APC2: variants seen among roughly 807,000 people sequenced by gnomAD.
The protein encoded by APC2 is APC regulator of Wnt signaling pathway 2.
Under a neutral mutation model 72.5 loss-of-function variants are expected in APC2, and 41 were observed. The observed-to-expected ratio is 0.57, with a 90% CI of 0.44 to 0.73. The LOEUF (loss-of-function observed/expected upper bound fraction) is 0.73, where lower values mean the gene tolerates loss of function less well. Ranked by LOEUF, APC2 falls within the 30% of genes least tolerant of loss-of-function variation. The pLI is 0.00. For missense variants in APC2, 3,729 were observed against 3,403.4 expected (o/e 1.10, Z -2.38); for synonymous variants, 1,898 against 1,612.0 (o/e 1.18, Z -4.25).
Position 1,455,264 on chromosome 19 carries a change from C to G in APC2, c.522+7C>G, listed in dbSNP as rs1386625543. ...GCTGCCGCACGTGGAGACGGTGAGC[C>G]GGCCGGGGAGCCAGGGGGCAGCGCG... On this transcript the variant is annotated splice_region_variant and intron_variant, in intron 5 of 14. Transcript: ENST00000590469. 1.3e-6 allele frequency: 2 copies of G among 1,564,016 alleles called. No individual in the cohort carries two copies. The highest frequency in any genetic ancestry group is 1.7e-6 in the Non-Finnish European group (2 of 1,160,070).
intron 4 of APC2, among the ~76,000 whole-genome samples, chr19:1,454,563 C>CTTTTTTTT (rs71174371): frequency 2.8e-4 from 33 of 116,136 alleles, no homozygotes; most frequent in Non-Finnish European, 4.4e-4. Context: ...ATCTTTTGTA[C>CTTTTTTTT]TTTTTTTTTT....
At position 1,469,197 on chromosome 19, in the gene APC2, C is replaced by T; in HGVS notation, c.5896C>T (p.Arg1966Cys). The T allele has an allele frequency of 7.7e-7, 1 of 1,306,564 alleles. No homozygotes were observed. Among genetic ancestry groups the T allele is most frequent in the Non-Finnish European group, 9.7e-7 (1 of 1,026,102 alleles). 80.9% of individuals were successfully genotyped at this position (1,306,564 alleles called of 1,614,324 possible). A position where few individuals can be genotyped will look rare whatever the true frequency, so the allele number is the denominator to read the frequency against. ...RAGTEAGPGA[R>C]GGRLGLVRVA... ...GGGGACCGAGGCGGGCCCGGGGGCG[C>T]GCGGGGGCCGCCTGGGCCTGGTGCG... Residue 1966 changes from arginine to cysteine, a missense_variant, in exon 15 of 15, where the codon CGC (arginine) becomes TGC (cysteine). Transcript: ENST00000590469.
At position 1,466,560 on chromosome 19, in the gene APC2, G is replaced by T; in HGVS notation, c.3259G>T (p.Gly1087Cys). The change falls in exon 15 of 15, where the codon GGT (glycine) becomes TGT (cysteine). Residue 1087 changes from glycine to cysteine, a missense_variant. Gly to Cys is a radical substitution (Grantham distance 159). Transcript: ENST00000590469. ...SSAGRPGPSE[G>C]GDLDDSDSSL... Reference sequence around the variant, plus strand: ...GGCCGGCCGCCCAGGCCCCAGCGAGGGTGGTGACCTGGATGACAGTGACTC... The same window carrying T: ...GGCCGGCCGCCCAGGCCCCAGCGAGTGTGGTGACCTGGATGACAGTGACTC... The T allele has an allele frequency of 1.3e-6, 2 of 1,581,610 alleles. No homozygotes were observed. Among genetic ancestry groups the T allele is most frequent in the Non-Finnish European group, 1.7e-6 (2 of 1,171,758 alleles).
upstream of APC2, chr19:1,446,471 C>G: frequency 1.5e-6 from 1 of 689,118 alleles, no homozygotes; most frequent in Non-Finnish European, 1.8e-6. The surrounding 1 kb of genome is among the most constrained non-coding windows in gnomAD (Gnocchi z 6.1). Context: ...GCTGCAGAGT[C>G]GGGGGTCTAG....
intron 6 of APC2, 100 bp from the exon 7 acceptor site, chr19:1,455,976 G>A (rs2083817629): frequency 8.0e-7 from 1 of 1,249,556 alleles, no homozygotes. Flanking sequence ...TCAGGAAGAG[G>A]CGGGGTCAGA....
rs1490801304 is a variant in APC2 at position 1,467,349 on chromosome 19, G to A, written c.4048G>A (p.Ala1350Thr). The change falls in exon 15 of 15, where the codon GCC becomes ACC. Residue 1350 changes from alanine (A) to threonine (T), a missense_variant. Ala to Thr is a moderately conservative substitution (Grantham distance 58). Transcript: ENST00000590469. ...ACTGCTGCGGGAGTGCCTGGGAGCC[G>A]CCGTGCCTGCCCGGCTGCGCAAGGT... ...LELLRECLGA[A>T]VPARLRKVAS... The A allele has an allele frequency of 4.1e-6, 6 of 1,454,818 alleles. No individual in the cohort carries two copies. The highest frequency in any genetic ancestry group is 4.5e-6 in the Non-Finnish European group (5 of 1,107,626). 90.1% of individuals were successfully genotyped at this position (1,454,818 alleles called of 1,614,324 possible).
Position 1,462,180 on chromosome 19 carries a change from C to CGGCCG in APC2, c.1853+7_1853+8insGGGCC. ...GTCGCCACCCGTGAGGACTACAGGT[C>CGGCCG]GGCCCCCACCCCCCCACCCGCACAC... On this transcript the variant is annotated splice_donor_region_variant and intron_variant, in intron 14 of 14. Coordinates refer to ENST00000590469, the MANE Select transcript of APC2 (RefSeq NM_005883.3). 1 of 1,546,424 alleles carries CGGCCG rather than the reference C, an allele frequency of 6.5e-7. No homozygotes were observed. The highest frequency in any genetic ancestry group is 8.7e-7 in the Non-Finnish European group (1 of 1,146,738).
Position 1,469,216 on chromosome 19 carries a change from TG to T in APC2, c.5917del (p.Val1973CysfsTer23). 1 of 1,401,810 alleles carries T rather than the reference TG, an allele frequency of 7.1e-7. No homozygotes were observed. The highest frequency in any genetic ancestry group is 9.3e-7 in the Non-Finnish European group (1 of 1,074,048). 86.8% of individuals were successfully genotyped at this position (1,401,810 alleles called of 1,614,324 possible). A position where few individuals can be genotyped will look rare whatever the true frequency, so the allele number is the denominator to read the frequency against. On this transcript the variant is annotated frameshift_variant, in exon 15 of 15. Coordinates refer to ENST00000590469, the MANE Select transcript of APC2 (RefSeq NM_005883.3). LOFTEE classifies it low-confidence loss of function (END_TRUNC). ...GPGARGGRLG[L>X]VRVASALSSG... ...GGGGCGCGCGGGGGCCGCCTGGGCC[TG>T]GTGCGTGTGGCCTCAGCCCTCTCCA... is the stretch of plus-strand genomic sequence containing the variant.
rs780542749 is a variant in APC2 at position 1,466,259 on chromosome 19, C to A, written c.2958C>A (p.Ala986=). ...CCCCGGCCCGCGAGGCCACCTCCGC[C>A]GACGCCCGCGTGCGCACCATCAAGC... ...AEPPAREATS[A]DARVRTIKLS... is the part of the protein sequence containing the mutation. The change falls in exon 15 of 15, where the codon GCC becomes GCA. Residue 986 remains alanine, a synonymous_variant. Transcript: ENST00000590469. 3 of 1,529,786 alleles carry A rather than the reference C, an allele frequency of 2.0e-6. No homozygotes were observed. Among genetic ancestry groups the A allele is most frequent in the South Asian group, 2.4e-5 (2 of 82,200 alleles). 94.8% of individuals were successfully genotyped at this position (1,529,786 alleles called of 1,614,324 possible). A position where few individuals can be genotyped will look rare whatever the true frequency, so the allele number is the denominator to read the frequency against.
In APC2 at chr19:1,469,470, G is replaced by A. The variant is rs189440287; in HGVS notation, c.6169G>A (p.Ala2057Thr). Residue 2057 changes from alanine (A) to threonine (T), a missense_variant, in exon 15 of 15, where the codon GCC (alanine) becomes ACC (threonine). By Grantham distance (58) the Ala-to-Thr change is moderately conservative. Transcript: ENST00000590469. ...GGCACCCCGGCAGGGCCCGGCCCCG[G>A]CCCGGCAGCGGCCCCCCGCGGCCCG... The part of the protein sequence containing the change: ...RAAPRQGPAP[A>T]RQRPPAARPS... 9,671 of 1,119,892 alleles carry A rather than the reference G, an allele frequency of 8.6e-3. 403 individuals are homozygous for A. The African/African-American group carries it at 0.11, about 12-fold the overall frequency. The allele number at this position is 1,119,892 out of a possible 1,614,324, so 69.4% of individuals were successfully genotyped here.
chr19:1,449,600 G>T (rs1284578387), upstream of APC2, among the ~76,000 whole-genome samples: 1 of 152,158 alleles, frequency 6.6e-6, no homozygotes, highest in African/African-American at 2.4e-5. Context: ...GTGGGGAGAT[G>T]CAGCGTCCCA....
At position 1,462,022 on chromosome 19, in the gene APC2, G is replaced by C. The variant is rs1466667365; in HGVS notation, c.1698G>C (p.Glu566Asp). ...ALWNLSAHST[E>D]NKAAICQVDG... is the part of the protein sequence containing the mutation. ...GGAATCTGTCTGCACACAGCACAGA[G>C]AACAAGGCGGCCATCTGCCAGGTGG... is the stretch of plus-strand genomic sequence containing the variant. The change falls in exon 14 of 15, where the codon GAG becomes GAC. Residue 566 changes from glutamate to aspartate, a missense_variant. By Grantham distance (45) the Glu-to-Asp change is conservative (BLOSUM62 2). Coordinates refer to ENST00000590469, the MANE Select transcript of APC2 (RefSeq NM_005883.3). The C allele has an allele frequency of 1.9e-6, 3 of 1,613,024 alleles. No individual in the cohort carries two copies. The highest frequency in any genetic ancestry group is 2.5e-6 in the Non-Finnish European group (3 of 1,180,018).
intron 11 of APC2, 150 bp downstream of exon 11, chr19:1,460,470 G>C (rs1372285714): frequency 2.3e-6 from 3 of 1,298,696 alleles, no homozygotes; most frequent in Non-Finnish European, 3.2e-6. Flanking sequence ...GGCCCAGAGA[G>C]TGCGGTGTGG....
chr19:1,448,906 G>C (rs910659060), upstream of APC2, among the ~76,000 whole-genome samples: 4 of 152,080 alleles, frequency 2.6e-5, no homozygotes, highest in African/African-American at 9.7e-5. Context: ...TCTGCCCACT[G>C]CATTGCCTCC....
chr19:1,459,461 C>G (rs1309274214), intron 10 of APC2, among the ~76,000 whole-genome samples: 1 of 152,206 alleles, frequency 6.6e-6, no homozygotes, highest in Admixed American at 6.5e-5. Context: ...TATGGATGCT[C>G]TAGCTGCCCC....
In APC2 at chr19:1,467,369, C is replaced by T. The variant is rs2084037091; in HGVS notation, c.4068C>T (p.Arg1356=). The T allele has an allele frequency of 1.4e-6, 2 of 1,479,514 alleles. No individual in the cohort carries two copies. The highest frequency in any genetic ancestry group is 1.5e-5 in the African/African-American group (1 of 68,602). The allele number at this position is 1,479,514 out of a possible 1,614,324, so 91.6% of individuals were successfully genotyped here. The change falls in exon 15 of 15, where the codon CGC becomes CGT. Residue 1356 remains arginine (R), a synonymous_variant. Transcript: ENST00000590469. ...CLGAAVPARL[R]KVASALVPGR... The stretch of plus-strand genomic sequence containing the variant: ...GAGCCGCCGTGCCTGCCCGGCTGCG[C>T]AAGGTGGCCTCCGCGCTGGTGCCAG...
Position 1,453,085 on chromosome 19 carries a change from G to T in APC2, c.84G>T (p.Glu28Asp), listed in dbSNP as rs1404247302. 5 of 1,609,706 alleles carry T rather than the reference G, an allele frequency of 3.1e-6. No homozygotes were observed. The African/African-American group carries it at 4.0e-5, about 13-fold the overall frequency. ...CTGAGAACAGCCACCTGAGGCAGGA[G>T]CTAAGGGACAACTCCAGCCACCTGT... ...LKAENSHLRQ[E>D]LRDNSSHLSK... The change falls in exon 2 of 15, where the codon GAG (glutamate) becomes GAT (aspartate). Residue 28 changes from glutamate (E) to aspartate (D), a missense_variant. Physicochemically the swap from Glu to Asp is conservative, Grantham distance 45 (BLOSUM62 2). Transcript: ENST00000590469.
chr19:1,460,967 C>T (rs774898822), intron 12 of APC2, 70 bp from the exon 13 acceptor site: 2 of 1,596,604 alleles, frequency 1.3e-6, no homozygotes, highest in Non-Finnish European at 1.7e-6. Context: ...TCTCTGCAGA[C>T]TCACATTTGC....
rs2084002179 is a variant in APC2, at chr19:1,465,880, AC to A, written c.2580del (p.Asp860GlufsTer177). On this transcript the variant is annotated frameshift_variant, in exon 15 of 15. Transcript: ENST00000590469. LOFTEE classifies it low-confidence loss of function (END_TRUNC). ...AVARIDQLVE[D>X]ISALHTSSDD... is the part of the protein sequence containing the mutation. ...GCGCGCATCGACCAGCTGGTGGAGG[AC>A]ATCTCCGCCCTGCACACCTCGTCCG... The A allele has an allele frequency of 6.4e-7, 1 of 1,569,256 alleles. No homozygotes were observed. The highest frequency in any genetic ancestry group is 1.9e-5 in the Admixed American group (1 of 52,146).
Sources: gnomAD v4.1 joint callset for allele counts (sites outside exome capture counted in the v4.1 genomes callset) on GRCh38, gnomAD v4.1.1 for gene constraint, Gnocchi (gnomAD v3.1) non-coding constraint, MANE v1.5 for transcripts, NCBI Gene and HGNC (gene_info 2026-07-23, HGNC 2026-07-21) for gene names.